The following SLC23A3 variants were observed in gnomAD, a reference collection of about 807,000 sequenced individuals.
SLC23A3 encodes the protein E2-binding protein 3.
In SLC23A3, 41 loss-of-function variants were observed where a neutral mutation model predicts 64.7. The observed-to-expected ratio is 0.63, with a 90% CI of 0.49 to 0.82. The LOEUF (loss-of-function observed/expected upper bound fraction) is 0.82, where lower values mean the gene tolerates loss of function less well. SLC23A3 is among the 40% of genes least tolerant of loss of function. SLC23A3 has a pLI of 0.00. For missense variants in SLC23A3, 647 were observed against 733.4 expected, an observed-to-expected ratio of 0.88 and a Z score of 1.36; for synonymous variants, 281 against 306.8, an observed-to-expected ratio of 0.92 and a Z score of 0.88.
chr2:219,162,222 G>T lies in SLC23A3; in HGVS notation c.1538-18C>A, dbSNP rs746970633. ...CTGTGTGCCTGCAAAAGAGAGGTTT[G>T]TCAGGCTATTGCCCATCCCAGGGAG... On this transcript the variant is annotated intron_variant, in intron 11 of 11. Transcript: ENST00000409878. 6.2e-6 allele frequency: 10 copies of T among 1,611,226 alleles called. No individual in the cohort carries two copies. The highest frequency in any genetic ancestry group is 8.5e-6 in the Non-Finnish European group (10 of 1,177,888).
Position 219,169,949 on chromosome 2 carries a change from T to C in SLC23A3, c.36A>G (p.Arg12=), listed in dbSNP as rs1471805418. The C allele has an allele frequency of 1.2e-6, 2 of 1,613,860 alleles. No individual in the cohort carries two copies. Among genetic ancestry groups the C allele is most frequent in the African/African-American group, 1.3e-5 (1 of 74,862 alleles). The change falls in exon 1 of 12, where the codon CGA becomes CGG. Residue 12 remains arginine (R), a synonymous_variant. Transcript: ENST00000409878. The surrounding 1 kb of genome is among the most constrained non-coding windows in gnomAD (Gnocchi z 4.5). ...SRSPLNPSQL[R]SVGSQDALAP... Reference sequence around the variant, plus strand: ...CCAGGGCATCCTGGGAGCCCACTGATCGGAGTTGGCTGGGATTGAGGGGTG... The same window carrying C: ...CCAGGGCATCCTGGGAGCCCACTGACCGGAGTTGGCTGGGATTGAGGGGTG...
Position 219,168,334 on chromosome 2 carries a change from C to CTT in SLC23A3, c.675-18_675-17dup. On this transcript the variant is annotated splice_polypyrimidine_tract_variant and intron_variant, in intron 5 of 11. Transcript: ENST00000409878. ...CAGGATAACCCTAGGAGACAGAAGG[C>CTT]TTTAGGAGCAAGAGGCAGTGGGTAT... The CTT allele has an allele frequency of 6.3e-7, 1 of 1,575,420 alleles. No homozygotes were observed. Among genetic ancestry groups the CTT allele is most frequent in the Non-Finnish European group, 8.6e-7 (1 of 1,160,930 alleles).
chr2:219,165,623 C>T (rs955399993), intron 7 of SLC23A3, among the ~76,000 whole-genome samples: 1 of 152,262 alleles, frequency 6.6e-6, no homozygotes. Flanking sequence ...GCCCTTCCCT[C>T]TCTCTGCAGC....
chr2:219,167,811 C>T, intron 7 of SLC23A3, 119 bp downstream of exon 7: 1 of 795,476 alleles, frequency 1.3e-6, no homozygotes, highest in Non-Finnish European at 2.1e-6. Context: ...TAATTTCTCT[C>T]TCCTATATGT....
chr2:219,169,912 G>C lies in SLC23A3; in HGVS notation c.73C>G (p.Pro25Ala). 1 of 1,613,850 alleles carries C rather than the reference G, an allele frequency of 6.2e-7. No homozygotes were observed. The highest frequency in any genetic ancestry group is 8.5e-7 in the Non-Finnish European group (1 of 1,179,870). ...GSQDALAPLP[P>A]PAPQNPSTHS... Reference sequence around the variant, plus strand: ...GTGGAGGGATTCTGGGGAGCAGGTGGAGGCAAGGGGGCCAGGGCATCCTGG... The same window carrying C: ...GTGGAGGGATTCTGGGGAGCAGGTGCAGGCAAGGGGGCCAGGGCATCCTGG... Residue 25 changes from proline (P) to alanine (A), a missense_variant, in exon 1 of 12, where the codon CCA becomes GCA. Physicochemically the swap from Pro to Ala is conservative, Grantham distance 27 (BLOSUM62 -1). Coordinates refer to ENST00000409878, the MANE Select transcript of SLC23A3 (RefSeq NM_001144889.2). This position sits in a 1 kb window ranked among gnomAD's most constrained non-coding sequence, Gnocchi z 4.5.
At position 219,165,095 on chromosome 2, in the gene SLC23A3, A is replaced by G. The variant is rs113789639; in HGVS notation, c.1167+74T>C. On this transcript the variant is annotated intron_variant, in intron 8 of 11. Coordinates refer to ENST00000409878, the MANE Select transcript of SLC23A3 (RefSeq NM_001144889.2). ...AGGTGCTAGGCACACCTGGCAATCA[A>G]TCGGTGTAAGTTCCTGTCCTTCTTC... is the stretch of plus-strand genomic sequence containing the variant. 1,004 of 1,500,398 alleles carry G rather than the reference A, an allele frequency of 6.7e-4. 9 individuals are homozygous for G. The African/African-American group carries it at 0.012, about 19-fold the overall frequency. The allele number at this position is 1,500,398 out of a possible 1,614,324, so 92.9% of individuals were successfully genotyped here.
Position 219,169,348 on chromosome 2 carries a change from T to A in SLC23A3, c.379A>T (p.Ser127Cys). Residue 127 changes from serine (S) to cysteine (C), a missense_variant, in exon 3 of 12, where the codon AGC becomes TGC. Transcript: ENST00000409878. This position sits in a 1 kb window ranked among gnomAD's most constrained non-coding sequence, Gnocchi z 4.5. ...EFLIPALVLT[S>C]QKLPRAIQTP... ...TGGATGGCCCGGGGTAGCTTCTGGC[T>A]GGTCAGCACCAGAGCAGGGATAAGG... The A allele has an allele frequency of 8.1e-6, 13 of 1,614,196 alleles. No individual in the cohort carries two copies. Among genetic ancestry groups the A allele is most frequent in the Non-Finnish European group, 1.1e-5 (13 of 1,180,032 alleles).
In SLC23A3 at chr2:219,169,197, A is replaced by C; in HGVS notation, c.419-95T>G. The C allele has an allele frequency of 6.2e-7, 1 of 1,606,764 alleles. No homozygotes were observed. Among genetic ancestry groups the C allele is most frequent in the Non-Finnish European group, 8.5e-7 (1 of 1,174,348 alleles). On this transcript the variant is annotated intron_variant, in intron 3 of 11. Coordinates refer to ENST00000409878, the MANE Select transcript of SLC23A3 (RefSeq NM_001144889.2). This position sits in a 1 kb window ranked among gnomAD's most constrained non-coding sequence, Gnocchi z 4.5. The stretch of plus-strand genomic sequence containing the variant: ...CTCCTGGCACAGGTCCAAGCCCCCT[A>C]TAGTGTCACAGTCTCACCACTGCCC...
Position 219,164,313 on chromosome 2 carries a change from AAGTG to A in SLC23A3, c.1189_1192del (p.His397Ter), listed in dbSNP as rs761524718. 6.2e-7 allele frequency: 1 copy of A among 1,605,004 alleles called. No individual in the cohort carries two copies. Among genetic ancestry groups the A allele is most frequent in the Non-Finnish European group, 8.5e-7 (1 of 1,175,908 alleles). ...AAGCCCCACGCAGAGTAGCCCCACT[AAGTG>A]AGCCACTTGCTGAGATCCAGCCTGC... On this transcript the variant is annotated frameshift_variant, in exon 9 of 12. Transcript: ENST00000409878. LOFTEE classifies it high-confidence loss of function.
intron 8 of SLC23A3, 34 bp downstream of exon 8, chr2:219,165,135 C>T: frequency 6.5e-7 from 1 of 1,546,406 alleles, no homozygotes; most frequent in East Asian, 2.4e-5. Flanking sequence ...CCTCTAGCTC[C>T]ATCCTACCCC....
At chr2:219,167,250 CCT>C (rs1246571308) in intron 7 of SLC23A3, among the ~76,000 whole-genome samples, 1 of 152,020 alleles carries the variant, frequency 6.6e-6, no homozygotes, top group African/African-American at 2.4e-5. Context: ...ACAGCAAGAC[CCT>C]GTCCCAAAAA....
intron 8 of SLC23A3, 91 bp downstream of exon 8, chr2:219,165,078 G>A (rs1325322954): frequency 6.8e-7 from 1 of 1,466,790 alleles, no homozygotes; most frequent in Non-Finnish European, 9.2e-7. Flanking sequence ...TGAGGTGCTA[G>A]GCACACCTGG....
At position 219,168,795 on chromosome 2, in the gene SLC23A3, G is replaced by T; in HGVS notation, c.531C>A (p.Gly177=). ...GAVVVSGLLQ[G]MMGLLGSPGH... ...CGGGACTCCCCAGCAGCCCCATCAT[G>T]CCCTGCAGCAGCCCAGATACTACCA... The change falls in exon 5 of 12, where the codon GGC becomes GGA. Residue 177 remains glycine, a synonymous_variant. Coordinates refer to ENST00000409878, the MANE Select transcript of SLC23A3 (RefSeq NM_001144889.2). 6.2e-7 allele frequency: 1 copy of T among 1,603,238 alleles called. No individual in the cohort carries two copies. The highest frequency in any genetic ancestry group is 8.5e-7 in the Non-Finnish European group (1 of 1,174,606).
Position 219,161,911 on chromosome 2 carries a change from A to T in SLC23A3, c.1831T>A (p.Ter611ArgextTer11), listed in dbSNP as rs1165902895. The change falls in exon 12 of 12, where the codon TGA becomes AGA. Residue 611 changes from the stop codon to arginine (R), a stop_lost. Coordinates refer to ENST00000409878, the MANE Select transcript of SLC23A3 (RefSeq NM_001144889.2). ...CAGGGCAGAAGTAGGCGTTCTGGTCATTTCTGGGACCTAAACCCTTCTCTG... is the reference window on the plus strand; with the variant it reads ...CAGGGCAGAAGTAGGCGTTCTGGTCTTTTCTGGGACCTAAACCCTTCTCTG... ...SSREGFRSQK[*>R] 4 of 1,542,818 alleles carry T rather than the reference A, an allele frequency of 2.6e-6. No individual in the cohort carries two copies. The highest frequency in any genetic ancestry group is 1.7e-6 in the Non-Finnish European group (2 of 1,145,790).
rs915167673 is a variant in SLC23A3, at chr2:219,165,275, C to T, written c.1061G>A (p.Arg354Gln). The change falls in exon 8 of 12, where the codon CGA (arginine) becomes CAA (glutamine). Residue 354 changes from arginine (R) to glutamine (Q), a missense_variant. Physicochemically the swap from Arg to Gln is conservative, Grantham distance 43. Transcript: ENST00000409878. ...GCCCAGCCCCTCCAGGCTCAGCCCTCGACTGCAGGCATGTGGAGGTGGGGG... is the reference window on the plus strand; with the variant it reads ...GCCCAGCCCCTCCAGGCTCAGCCCTTGACTGCAGGCATGTGGAGGTGGGGG... ...LPPPPPHACS[R>Q]GLSLEGLGSV... 6.4e-6 allele frequency: 10 copies of T among 1,551,702 alleles called. No homozygotes were observed. Among genetic ancestry groups the T allele is most frequent in the East Asian group, 2.4e-5 (1 of 40,920 alleles).
At chr2:219,162,451 G>C (rs932391056) in intron 10 of SLC23A3, 57 bp from the exon 11 acceptor site, 2 of 1,331,380 alleles carry the variant, frequency 1.5e-6, no homozygotes, top group Non-Finnish European at 2.1e-6. Context: ...CCAAGCCCAG[G>C]AGTCTTACCC....
In SLC23A3 at chr2:219,161,693, C is replaced by G. The variant is rs1219553807; in HGVS notation, c.*216G>C. 2.2e-6 allele frequency: 1 copy of G among 452,782 alleles called. No individual in the cohort carries two copies. The allele number at this position is 452,782 out of a possible 1,614,324, so 28.0% of individuals were successfully genotyped here. A position where few individuals can be genotyped will look rare whatever the true frequency, so the allele number is the denominator to read the frequency against. The stretch of plus-strand genomic sequence containing the variant: ...GTACACAGGCAAAATCTCAATCATT[C>G]ATGGTCCACTAAATCATGGCCTCTG... On this transcript the variant is annotated 3_prime_UTR_variant, in exon 12 of 12. Transcript: ENST00000409878.
intron 8 of SLC23A3, chr2:219,164,771 G>C: frequency 4.0e-6 from 1 of 250,696 alleles, no homozygotes; most frequent in Non-Finnish European, 7.6e-6. Flanking sequence ...TGTTGGCCAG[G>C]CTGGTCTTGA....
rs1950037317 is a variant in SLC23A3 at position 219,169,276 on chromosome 2, C to A, written c.418+33G>T. 1 of 1,613,916 alleles carries A rather than the reference C, an allele frequency of 6.2e-7. No individual in the cohort carries two copies. Among genetic ancestry groups the A allele is most frequent in the African/African-American group, 1.3e-5 (1 of 74,938 alleles). On this transcript the variant is annotated intron_variant, in intron 3 of 11. Coordinates refer to ENST00000409878, the MANE Select transcript of SLC23A3 (RefSeq NM_001144889.2). This position sits in a 1 kb window ranked among gnomAD's most constrained non-coding sequence, Gnocchi z 4.5. The stretch of plus-strand genomic sequence containing the variant: ...GCATGCTCAGATGAGAACCCAGCCC[C>A]ACCCTTACCCCTTGCCCTTGCTCTG...
Sources: allele counts gnomAD v4.1 joint callset (sites outside exome capture counted in the v4.1 genomes callset), GRCh38; gene constraint gnomAD v4.1.1; non-coding constraint Gnocchi (gnomAD v3.1); transcripts MANE v1.5; gene names NCBI Gene and HGNC (gene_info 2026-07-23, HGNC 2026-07-21).